The following MADD variants were observed in gnomAD, a reference collection of about 807,000 sequenced individuals.
MADD encodes MAP kinase-activating death domain protein.
In MADD, 109 loss-of-function variants were observed where a neutral mutation model predicts 176.7. That is an observed-to-expected ratio of 0.62 (90% CI 0.53 to 0.72). MADD has a LOEUF of 0.72. Among genes scored for constraint, MADD ranks in the 30% least tolerant of loss-of-function variants. The probability of loss-of-function intolerance (pLI) is 0.00; values close to 1 mark genes in which losing one functional copy is unlikely to be tolerated. For missense variants in MADD, 1,914 were observed against 2,045.5 expected, an observed-to-expected ratio of 0.94 and a Z score of 1.24; for synonymous variants, 771 against 771.3, an observed-to-expected ratio of 1.00 and a Z score of 0.01.
intron 22 of MADD, among the ~76,000 whole-genome samples, chr11:47,296,363 T>C (rs2071834142): frequency 6.6e-6 from 1 of 152,198 alleles, no homozygotes; most frequent in Non-Finnish European, 1.5e-5. Context: ...GTAATACCTT[T>C]GTGGCAATGT....
Position 47,326,530 on chromosome 11 carries a change from T to G in MADD, c.4543-208T>G. On this transcript the variant is annotated intron_variant, in intron 30 of 32. Coordinates refer to ENST00000402192, the Ensembl canonical transcript of MADD. ...ACGCCTTCATTTCTCTCCCATGCTT[T>G]CTCCTCCGGCCAGGAGCGGAAGGTA... 1 of 1,371,302 alleles carries G rather than the reference T, an allele frequency of 7.3e-7. No individual in the cohort carries two copies. Among genetic ancestry groups the G allele is most frequent in the Non-Finnish European group, 9.4e-7 (1 of 1,063,458 alleles). 84.9% of individuals were successfully genotyped at this position (1,371,302 alleles called of 1,614,324 possible).
chr11:47,287,550 T>C (rs924899847), intron 15 of MADD, among the ~76,000 whole-genome samples: 1 of 152,026 alleles, frequency 6.6e-6, no homozygotes, highest in Admixed American at 6.6e-5. Flanking sequence ...GTTGGAATTA[T>C]AGGCACATAC....
At chr11:47,329,163 A>AC in exon 33 of MADD, 1 of 1,597,924 alleles carries the variant, frequency 6.3e-7, no homozygotes, top group East Asian at 2.2e-5. Flanking sequence ...GAGAGGGGCT[A>AC]CGCAGCTGCC....
intron 22 of MADD, among the ~76,000 whole-genome samples, chr11:47,303,530 A>T (rs1001789493): frequency 1.3e-5 from 2 of 149,234 alleles, no homozygotes; most frequent in Non-Finnish European, 3.0e-5. Flanking sequence ...GAGCCACTGC[A>T]CCCGGCCTTC....
chr11:47,300,053 T>G (rs2076415225), intron 22 of MADD, among the ~76,000 whole-genome samples: 3 of 152,218 alleles, frequency 2.0e-5, no homozygotes, highest in Non-Finnish European at 4.4e-5. Flanking sequence ...TGAGGTATGT[T>G]CGCTCTGTAC....
intron 21 of MADD, 27 bp downstream of exon 23, chr11:47,295,606 G>C (rs1318546052): frequency 1.2e-6 from 2 of 1,613,788 alleles, no homozygotes; most frequent in Non-Finnish European, 8.5e-7. Context: ...CTGGCATCTT[G>C]GTGGGTGGGG....
chr11:47,328,336 G>T (rs1483773563), intron 31 of MADD: 10 of 1,276,490 alleles, frequency 7.8e-6, no homozygotes, highest in Non-Finnish European at 1.0e-5. Context: ...CTGGACAGTA[G>T]CTGTGACCAG....
At chr11:47,311,156 A>T (rs2088698349) in intron 25 of MADD, among the ~76,000 whole-genome samples, 1 of 152,200 alleles carries the variant, frequency 6.6e-6, no homozygotes, top group Non-Finnish European at 1.5e-5. Context: ...AGAACGAGCC[A>T]CTGGGTTTCT....
chr11:47,280,510 C>T (rs1178685196), intron 7 of MADD, among the ~76,000 whole-genome samples: 3 of 151,892 alleles, frequency 2.0e-5, no homozygotes, highest in African/African-American at 7.3e-5. Context: ...TTTAGTATGA[C>T]TAATGAGATG....
At chr11:47,284,794 G>A in intron 12 of MADD, 147 bp from the exon 13 acceptor site, 1 of 1,275,566 alleles carries the variant, frequency 7.8e-7, no homozygotes, top group Non-Finnish European at 1.1e-6. Flanking sequence ...AGTTTGTGGG[G>A]ACAGAGAACG....
At chr11:47,301,310 G>A (rs2077608192) in intron 22 of MADD, among the ~76,000 whole-genome samples, 1 of 151,932 alleles carries the variant, frequency 6.6e-6, no homozygotes, top group Admixed American at 6.6e-5. Flanking sequence ...TAGAGATGGG[G>A]TTTTGCCATG....
chr11:47,323,397 CAAA>C (rs79918782), intron 27 of MADD, among the ~76,000 whole-genome samples: 4 of 128,602 alleles, frequency 3.1e-5, no homozygotes, highest in Non-Finnish European at 3.4e-5. Flanking sequence ...GACCCTGTCT[CAAA>C]AAAAAAAAAA....
chr11:47,297,962 G>A (rs1468180547), intron 22 of MADD, among the ~76,000 whole-genome samples: 2 of 151,132 alleles, frequency 1.3e-5, no homozygotes, highest in Non-Finnish European at 2.9e-5. Flanking sequence ...CTAATTTTTT[G>A]TATTTTTAGG....
intron 22 of MADD, among the ~76,000 whole-genome samples, chr11:47,297,370 G>C (rs762385887): frequency 8.5e-5 from 13 of 152,080 alleles, no homozygotes; most frequent in South Asian, 2.1e-4. Flanking sequence ...CTCTCTCTCA[G>C]TCTGAACAGA....
At chr11:47,287,831 C>T (rs2061882483) in intron 15 of MADD, among the ~76,000 whole-genome samples, 1 of 145,078 alleles carries the variant, frequency 6.9e-6, no homozygotes, top group Admixed American at 6.9e-5. Context: ...CGCTCTGTTG[C>T]CCAGGCTGGA....
Position 47,280,448 on chromosome 11 carries a change from A to G in MADD, c.1291-1127A>G, listed in dbSNP as rs532670073. ...AGAGTCTAGTGGGAATTTTAAGTTCAGAAAGTTCTCTAGCTGCCTTCACTT... is the reference window on the plus strand; with the variant it reads ...AGAGTCTAGTGGGAATTTTAAGTTCGGAAAGTTCTCTAGCTGCCTTCACTT... On this transcript the variant is annotated intron_variant, in intron 7 of 32. Transcript: ENST00000402192. Among the ~76,000 whole-genome samples the G allele has an allele frequency of 5.9e-5, 9 of 152,306 alleles. No individual in the cohort carries two copies. In the East Asian group the frequency reaches 1.5e-3, roughly 26 times the overall value.
At chr11:47,315,832 C>CTTTT (rs138135047) in intron 27 of MADD, among the ~76,000 whole-genome samples, 3 of 128,732 alleles carry the variant, frequency 2.3e-5, no homozygotes, top group Non-Finnish European at 5.0e-5. Context: ...ATACCCATTT[C>CTTTT]TTTTTTTTTT....
exon 33 of MADD, chr11:47,329,330 C>G (rs1336888981): frequency 1.7e-6 from 1 of 598,478 alleles, no homozygotes; most frequent in Non-Finnish European, 3.0e-6. Context: ...TTGAGCGTGT[C>G]CACCTTCTCC....
At chr11:47,323,907 G>T in intron 28 of MADD, 72 bp downstream of exon 31, 2 of 1,526,560 alleles carry the variant, frequency 1.3e-6, no homozygotes, top group Non-Finnish European at 9.0e-7. Context: ...TCTTTGGGAA[G>T]TTAAAATTCC....
Sources: gnomAD v4.1 joint callset for allele counts (sites outside exome capture counted in the v4.1 genomes callset) on GRCh38, gnomAD v4.1.1 for gene constraint, MANE v1.5 for transcripts, NCBI Gene and HGNC (gene_info 2026-07-23, HGNC 2026-07-21) for gene names.